The following RAB38 variants were observed in gnomAD, a reference collection of about 807,000 sequenced individuals.
RAB38 encodes RAB38, member RAS oncogene family.
Under a neutral mutation model 18.4 loss-of-function variants are expected in RAB38, and 15 were observed. The observed-to-expected ratio is 0.82, with a 90% CI of 0.55 to 1.26. The LOEUF (loss-of-function observed/expected upper bound fraction) is 1.26, where lower values mean the gene tolerates loss of function less well. Among genes scored for constraint, RAB38 ranks in the 50% most tolerant of loss-of-function variants. The probability of loss-of-function intolerance (pLI) is 0.00; values close to 1 mark genes in which losing one functional copy is unlikely to be tolerated. For missense variants in RAB38, 294 were observed against 267.4 expected (o/e 1.10, Z -0.69); for synonymous variants, 101 against 104.4 (o/e 0.97, Z 0.20).
chr11:88,020,838 CCAAA>C, the RAB38 span, among the ~76,000 whole-genome samples: 1 of 151,902 alleles, frequency 6.6e-6, no homozygotes, highest in Non-Finnish European at 1.5e-5. Flanking sequence ...CAATATGCTC[CCAAA>C]CAACCAGTGG....
the RAB38 span, among the ~76,000 whole-genome samples, chr11:87,912,582 C>T: frequency 6.6e-6 from 1 of 151,486 alleles, no homozygotes; most frequent in Non-Finnish European, 1.5e-5. Flanking sequence ...TTGTTTTTTG[C>T]TTTCTCTCTT....
the RAB38 span, among the ~76,000 whole-genome samples, chr11:88,045,992 G>T: frequency 6.6e-6 from 1 of 151,890 alleles, no homozygotes; most frequent in Non-Finnish European, 1.5e-5. Context: ...TTATTCCTGG[G>T]CTACAGCCAC....
chr11:88,015,046 G>A, the RAB38 span, among the ~76,000 whole-genome samples: 1 of 96,796 alleles, frequency 1.0e-5, no homozygotes, highest in Non-Finnish European at 2.1e-5. Flanking sequence ...ACACCCAGTT[G>A]CCTGTATTTT....
the RAB38 span, among the ~76,000 whole-genome samples, chr11:88,039,867 T>C: frequency 6.6e-6 from 1 of 152,208 alleles, no homozygotes; most frequent in African/African-American, 2.4e-5. Flanking sequence ...GGGAGTGGGA[T>C]TCAGACCAGT....
chr11:87,882,708 G>T, the RAB38 span, among the ~76,000 whole-genome samples: 3 of 151,722 alleles, frequency 2.0e-5, no homozygotes, highest in African/African-American at 7.3e-5. Context: ...CACTCATTTT[G>T]GTCTCTCTGT....
the RAB38 span, among the ~76,000 whole-genome samples, chr11:87,896,879 T>A: frequency 6.6e-6 from 1 of 151,676 alleles, no homozygotes; most frequent in African/African-American, 2.4e-5. Context: ...AGCTAGTATC[T>A]TCTTCCACTC....
chr11:87,970,872 T>C, the RAB38 span, among the ~76,000 whole-genome samples: 1 of 152,092 alleles, frequency 6.6e-6, no homozygotes, highest in African/African-American at 2.4e-5. Flanking sequence ...CCTTTTCCTC[T>C]TGGATGCTGA....
the RAB38 span, among the ~76,000 whole-genome samples, chr11:87,932,479 A>G: frequency 2.0e-5 from 3 of 152,042 alleles, no homozygotes; most frequent in Non-Finnish European, 2.9e-5. Flanking sequence ...TTAGTTCTCT[A>G]TAAGCATAAC....
At chr11:87,862,789 AAGAT>A in the RAB38 span, among the ~76,000 whole-genome samples, 1 of 151,918 alleles carries the variant, frequency 6.6e-6, no homozygotes, top group South Asian at 2.1e-4. Flanking sequence ...TTTTTTAAAA[AAGAT>A]AGACTAAATG....
chr11:88,116,045 G>A (rs1942547032), intron 2 of RAB38, among the ~76,000 whole-genome samples: 1 of 152,176 alleles, frequency 6.6e-6, no homozygotes, highest in Non-Finnish European at 1.5e-5. Flanking sequence ...GTGCCTTAAA[G>A]TCATTGCCTG....
At chr11:88,022,623 A>AAC in the RAB38 span, among the ~76,000 whole-genome samples, 5 of 150,012 alleles carry the variant, frequency 3.3e-5, no homozygotes, top group African/African-American at 9.8e-5. Flanking sequence ...AAAAAAAAAA[A>AAC]AAAAAAAAAC....
chr11:88,121,684 T>C (rs1439839549), intron 2 of RAB38, among the ~76,000 whole-genome samples: 1 of 152,160 alleles, frequency 6.6e-6, no homozygotes, highest in African/African-American at 2.4e-5. Context: ...TGACTCAGCC[T>C]CCTGAGTAGC....
At chr11:87,828,663 G>A in the RAB38 span, among the ~76,000 whole-genome samples, 1 of 152,136 alleles carries the variant, frequency 6.6e-6, no homozygotes, top group African/African-American at 2.4e-5. Context: ...TGTGCACAAA[G>A]GTATGGTCTC....
intron 2 of RAB38, among the ~76,000 whole-genome samples, chr11:88,133,061 A>G (rs986360886): frequency 1.3e-5 from 2 of 152,188 alleles, no homozygotes; most frequent in Non-Finnish European, 2.9e-5. Context: ...GATAGGTTAG[A>G]GTCCCATTAT....
At chr11:87,806,675 T>A in the RAB38 span, among the ~76,000 whole-genome samples, 2 of 152,242 alleles carry the variant, frequency 1.3e-5, no homozygotes, top group South Asian at 2.1e-4. Flanking sequence ...TTTAAAATAC[T>A]ACCAGATATA....
At chr11:88,088,680 G>C in the RAB38 span, among the ~76,000 whole-genome samples, 6 of 151,594 alleles carry the variant, frequency 4.0e-5, no homozygotes, top group Non-Finnish European at 5.9e-5. Flanking sequence ...TTTTTTTTAG[G>C]TGTCTTTGAC....
the RAB38 span, among the ~76,000 whole-genome samples, chr11:87,970,592 G>A: frequency 6.6e-6 from 1 of 152,054 alleles, no homozygotes; most frequent in South Asian, 2.1e-4. Context: ...TCCTAGAAAA[G>A]TCATTGCTTG....
the RAB38 span, among the ~76,000 whole-genome samples, chr11:87,845,560 T>C: frequency 6.6e-6 from 1 of 152,060 alleles, no homozygotes; most frequent in African/African-American, 2.4e-5. Flanking sequence ...ATATCAAAGA[T>C]TGAATACATG....
At chr11:88,021,255 A>T in the RAB38 span, among the ~76,000 whole-genome samples, 1 of 152,208 alleles carries the variant, frequency 6.6e-6, no homozygotes, top group Non-Finnish European at 1.5e-5. Flanking sequence ...AAATGGAGAC[A>T]TTACAACTGG....
Sources: allele counts gnomAD v4.1 joint callset (sites outside exome capture counted in the v4.1 genomes callset), GRCh38; gene constraint gnomAD v4.1.1; transcripts MANE v1.5; gene names NCBI Gene and HGNC (gene_info 2026-07-23, HGNC 2026-07-21).